SLC43A2: variants seen among roughly 807,000 people sequenced by gnomAD.
SLC43A2 encodes solute carrier family 43 member 2, also known as large neutral amino acids transporter small subunit 4.
Under a neutral mutation model 63.2 loss-of-function variants are expected in SLC43A2, and 38 were observed. That is an observed-to-expected ratio of 0.60 (90% CI 0.46 to 0.79). The LOEUF is 0.79. Ranked by LOEUF, SLC43A2 falls within the 30% of genes least tolerant of loss-of-function variation. The pLI is 0.00. For missense variants in SLC43A2, 644 were observed against 756.2 expected, an observed-to-expected ratio of 0.85 and a Z score of 1.74; for synonymous variants, 322 against 331.0, an observed-to-expected ratio of 0.97 and a Z score of 0.30.
chr17:1,579,943 T>C (rs923001486), intron 11 of SLC43A2, among the ~76,000 whole-genome samples: 1 of 152,104 alleles, frequency 6.6e-6, no homozygotes, highest in Non-Finnish European at 1.5e-5. Context: ...TTCCTTTTTT[T>C]TTTTTTGGAG....
rs555370413 is a variant in SLC43A2, at chr17:1,593,519, C to T, written c.502-240G>A. On this transcript the variant is annotated intron_variant, in intron 5 of 13. Coordinates refer to ENST00000301335, the MANE Select transcript of SLC43A2 (RefSeq NM_152346.3). This position sits in a 1 kb window ranked among gnomAD's most constrained non-coding sequence, Gnocchi z 5.3. Reference sequence around the variant, plus strand: ...GAATACAAGCAGTTGTCTGACTTTCCGGCTGGCAACCCTCCCTATCTCTCT... The same window carrying T: ...GAATACAAGCAGTTGTCTGACTTTCTGGCTGGCAACCCTCCCTATCTCTCT... 9.9e-5 allele frequency among the ~76,000 whole-genome samples: 15 copies of T among 152,194 alleles called. No homozygotes were observed. In the South Asian group the frequency reaches 2.3e-3, roughly 23 times the overall value.
At chr17:1,591,085 C>A (rs1204821872) in intron 8 of SLC43A2, 137 bp from the exon 9 acceptor site, 58 of 1,242,300 alleles carry the variant, frequency 4.7e-5, no homozygotes, top group Middle Eastern at 2.8e-4. Context: ...GTTGGCGCTG[C>A]GGTGGGGTCA....
Position 1,573,008 on chromosome 17 carries a change from A to G in SLC43A2, c.*2596T>C, listed in dbSNP as rs2075869201. On this transcript the variant is annotated 3_prime_UTR_variant, in exon 14 of 14. Transcript: ENST00000301335. Reference sequence around the variant, plus strand: ...GGCAAAATAGCAAGAATTCATCTTTATGAAAAAGAAAAAAAAAATTAGCCA... The same window carrying G: ...GGCAAAATAGCAAGAATTCATCTTTGTGAAAAAGAAAAAAAAAATTAGCCA... The G allele has an allele frequency of 6.6e-6, 1 of 151,568 alleles. No individual in the cohort carries two copies. Among genetic ancestry groups the G allele is most frequent in the Non-Finnish European group, 1.5e-5 (1 of 67,870 alleles). The allele number at this position is 151,568 out of a possible 1,614,324, so 9.4% of individuals were successfully genotyped here. A position where few individuals can be genotyped will look rare whatever the true frequency, so the allele number is the denominator to read the frequency against.
chr17:1,614,838 T>C, intron 4 of SLC43A2, 141 bp downstream of exon 4: 1 of 786,832 alleles, frequency 1.3e-6, no homozygotes. Flanking sequence ...AGTAACTGAG[T>C]AGAGGCGTAA....
intron 5 of SLC43A2, among the ~76,000 whole-genome samples, chr17:1,596,838 G>A (rs1331447381): frequency 6.6e-6 from 1 of 152,164 alleles, no homozygotes; most frequent in Non-Finnish European, 1.5e-5. Flanking sequence ...TAAGCATATG[G>A]AAAGATGCTC....
In SLC43A2 at chr17:1,575,633, CG is replaced by C. The variant is rs2075913399; in HGVS notation, c.1680del (p.Asn560LysfsTer27). The C allele has an allele frequency of 3.1e-6, 5 of 1,614,114 alleles. No individual in the cohort carries two copies. In the South Asian group the frequency reaches 4.4e-5, roughly 14 times the overall value. On this transcript the variant is annotated frameshift_variant, in exon 14 of 14. Coordinates refer to ENST00000301335, the MANE Select transcript of SLC43A2 (RefSeq NM_152346.3). LOFTEE classifies it high-confidence loss of function. ...QEDDKLFLKI[N>X]GSSNQEAFV Reference sequence around the variant, plus strand: ...ACGAAGGCCTCCTGGTTGGACGAGCCGTTGATTTTGAGGAAGAGTTTGTCAT... The same window carrying C: ...ACGAAGGCCTCCTGGTTGGACGAGCCTTGATTTTGAGGAAGAGTTTGTCAT...
chr17:1,605,161 ACCTGTCCTGCCAG>A lies in SLC43A2; in HGVS notation c.501+8021_501+8033del. 8.1e-7 allele frequency: 1 copy of A among 1,231,780 alleles called. No individual in the cohort carries two copies. The highest frequency in any genetic ancestry group is 1.0e-6 in the Non-Finnish European group (1 of 975,100). 76.3% of individuals were successfully genotyped at this position (1,231,780 alleles called of 1,614,324 possible). A position where few individuals can be genotyped will look rare whatever the true frequency, so the allele number is the denominator to read the frequency against. The stretch of plus-strand genomic sequence containing the variant: ...GCCGCCTCTGCCTCCGTGCGGGTCA[ACCTGTCCTGCCAG>A]CCCGGGCTGTTCACTCACTGCCTCC... On this transcript the variant is annotated intron_variant, in intron 5 of 13. Transcript: ENST00000301335. The surrounding 1 kb of genome is among the most constrained non-coding windows in gnomAD (Gnocchi z 4.9).
At chr17:1,576,405 C>T (rs1190356688) in intron 13 of SLC43A2, among the ~76,000 whole-genome samples, 192 bp downstream of exon 13, 1 of 152,032 alleles carries the variant, frequency 6.6e-6, no homozygotes, top group Non-Finnish European at 1.5e-5. Flanking sequence ...TTCTATTTCT[C>T]CCCAAATCAG....
At chr17:1,609,995 C>T (rs1009235628) in intron 5 of SLC43A2, among the ~76,000 whole-genome samples, 6 of 151,712 alleles carry the variant, frequency 4.0e-5, no homozygotes, top group Admixed American at 2.0e-4. Context: ...CTGCAACCTC[C>T]GCCACCCAGG....
At chr17:1,587,019 T>G in intron 9 of SLC43A2, 1 of 1,408,988 alleles carries the variant, frequency 7.1e-7, no homozygotes, top group Non-Finnish European at 9.4e-7. Flanking sequence ...GGCAGAAATC[T>G]CAGTGCTACA....
chr17:1,591,294 C>T lies in SLC43A2; in HGVS notation c.906G>A (p.Glu302=), dbSNP rs755357894. Residue 302 remains glutamate, a synonymous_variant, in exon 8 of 14, where the codon GAG becomes GAA. Transcript: ENST00000301335. Reference sequence around the variant, plus strand: ...CTGCGGCATCCGGCTGGCACTTCACCTCCAGGTCGACGGTGGACAGGCACA... The same window carrying T: ...CTGCGGCATCCGGCTGGCACTTCACTTCCAGGTCGACGGTGGACAGGCACA... ...HKLCLSTVDL[E]VKCQPDAAVA... is the part of the protein sequence containing the mutation. The T allele has an allele frequency of 1.3e-5, 21 of 1,606,002 alleles. No individual in the cohort carries two copies. The Admixed American group carries it at 1.7e-4, about 13-fold the overall frequency.
chr17:1,604,361 T>A (rs552975237), intron 5 of SLC43A2: 4 of 180,900 alleles, frequency 2.2e-5, no homozygotes, highest in African/African-American at 2.3e-5. Flanking sequence ...GTCATTTTTT[T>A]AAATTTGTTT....
rs752304486 is a variant in SLC43A2, at chr17:1,576,576, C to T, written c.1548+21G>A. 9.4e-6 allele frequency: 15 copies of T among 1,589,210 alleles called. No individual in the cohort carries two copies. The East Asian group carries it at 2.7e-4, about 29-fold the overall frequency. On this transcript the variant is annotated intron_variant, in intron 13 of 13. Coordinates refer to ENST00000301335, the MANE Select transcript of SLC43A2 (RefSeq NM_152346.3). ...GAAGGGGGCAGGCGCCCATGACCCA[C>T]CATCCCCCGACCCCTCTTACCCACA...
At chr17:1,604,904 C>T in intron 5 of SLC43A2, 2 of 1,533,970 alleles carry the variant, frequency 1.3e-6, no homozygotes, top group East Asian at 2.4e-5. Context: ...CCACCGGTCT[C>T]AGCTGCGCAT....
At chr17:1,575,869 G>T in intron 13 of SLC43A2, 104 bp from the exon 14 acceptor site, 1 of 1,342,018 alleles carries the variant, frequency 7.5e-7, no homozygotes, top group Non-Finnish European at 1.0e-6. Flanking sequence ...TCACGGGGTG[G>T]AAGGGGGAAC....
At chr17:1,628,138 C>G in intron 1 of SLC43A2, 1 of 342,306 alleles carries the variant, frequency 2.9e-6, no homozygotes, top group East Asian at 5.1e-5. Context: ...ACGACAGAGC[C>G]GCCCCGGCCA....
At chr17:1,622,115 G>C (rs1908213455) in intron 2 of SLC43A2, among the ~76,000 whole-genome samples, 1 of 152,216 alleles carries the variant, frequency 6.6e-6, no homozygotes, top group African/African-American at 2.4e-5. Context: ...GAAGAGCCAA[G>C]GCCACCAGCT....
chr17:1,582,294 G>T (rs564389129), intron 11 of SLC43A2, among the ~76,000 whole-genome samples: 1 of 152,016 alleles, frequency 6.6e-6, no homozygotes, highest in South Asian at 2.1e-4. Context: ...CGCCCAGGCT[G>T]GTCTCAAACT....
At chr17:1,615,072 T>A (rs765160953) in intron 3 of SLC43A2, 38 bp from the exon 4 acceptor site, 2 of 1,612,278 alleles carry the variant, frequency 1.2e-6, no homozygotes, top group Non-Finnish European at 1.7e-6. Context: ...TTTACCATTA[T>A]GACTTTATTC....
Sources: gnomAD v4.1 joint callset for allele counts (sites outside exome capture counted in the v4.1 genomes callset) on GRCh38, gnomAD v4.1.1 for gene constraint, Gnocchi (gnomAD v3.1) non-coding constraint, MANE v1.5 for transcripts, NCBI Gene and HGNC (gene_info 2026-07-23, HGNC 2026-07-21) for gene names.